Variants in CSMD1 observed in about 807,000 individuals in gnomAD.
CSMD1 encodes CUB and sushi domain-containing protein 1.
Under a neutral mutation model 417.5 loss-of-function variants are expected in CSMD1, and 213 were observed. That is an observed-to-expected ratio of 0.51 (90% CI 0.46 to 0.57). The LOEUF (loss-of-function observed/expected upper bound fraction) is 0.57, where lower values mean the gene tolerates loss of function less well. Ranked by LOEUF, CSMD1 falls within the 20% of genes least tolerant of loss-of-function variation. The pLI, the probability that CSMD1 is intolerant of heterozygous loss-of-function variation, is 0.00. For synonymous variants in CSMD1, 2,862 were observed against 1,736.8 expected, an observed-to-expected ratio of 1.65 and a Z score of -16.11; for missense variants, 6,923 against 4,529.7, an observed-to-expected ratio of 1.53 and a Z score of -15.17.
intron 3 of CSMD1, among the ~76,000 whole-genome samples, chr8:4,296,701 T>TTTTTTA (rs1797704823): frequency 6.7e-6 from 1 of 149,222 alleles, no homozygotes; most frequent in South Asian, 2.1e-4. Context: ...TAAGGGTTTT[T>TTTTTTA]TTTTTTTTTT....
rs1318856046 is a variant in CSMD1 at position 3,091,547 on chromosome 8, G to T, written c.7254C>A (p.Thr2418=). 5 of 1,605,772 alleles carry T rather than the reference G, an allele frequency of 3.1e-6. No individual in the cohort carries two copies. The highest frequency in any genetic ancestry group is 4.2e-6 in the Non-Finnish European group (5 of 1,177,684). Residue 2418 remains threonine, a synonymous_variant, in exon 48 of 70, where the codon ACC becomes ACA. Transcript: ENST00000635120. ...AGCGAATCTTGAATCCTTTCTTACTGGTGGCATGGTCAGTGGACCAGCGGA... is the reference window on the plus strand; with the variant it reads ...AGCGAATCTTGAATCCTTTCTTACTTGTGGCATGGTCAGTGGACCAGCGGA... ...LYLRWSTDHA[T]SKKGFKIRYA...
intron 3 of CSMD1, among the ~76,000 whole-genome samples, chr8:4,130,107 T>C (rs1019225918): frequency 1.1e-4 from 17 of 152,072 alleles, no homozygotes; most frequent in Admixed American, 5.2e-4. Flanking sequence ...GGCTGCTCCA[T>C]CACCATGGAG....
At chr8:4,138,332 T>A (rs534575651) in intron 3 of CSMD1, among the ~76,000 whole-genome samples, 2 of 96,574 alleles carry the variant, frequency 2.1e-5, no homozygotes, top group African/African-American at 5.6e-5. Context: ...TTTACACATT[T>A]GAGTTGTGGC....
intron 3 of CSMD1, among the ~76,000 whole-genome samples, chr8:4,290,034 A>C (rs1211089343): frequency 2.6e-5 from 4 of 152,220 alleles, no homozygotes; most frequent in Admixed American, 1.3e-4. Flanking sequence ...GCAACTGTTA[A>C]GGTTTAACCA....
At chr8:4,986,103 G>A (rs959323483) in intron 1 of CSMD1, among the ~76,000 whole-genome samples, 1 of 152,168 alleles carries the variant, frequency 6.6e-6, no homozygotes, top group Non-Finnish European at 1.5e-5. Context: ...GAAATGTGGT[G>A]ACTAAAATTG....
intron 10 of CSMD1, among the ~76,000 whole-genome samples, chr8:3,560,965 T>C (rs1799444355): frequency 1.3e-5 from 2 of 152,206 alleles, no homozygotes; most frequent in African/African-American, 2.4e-5. Context: ...AGCATCCCAA[T>C]GGGCAGTGAA....
chr8:3,296,222 G>C (rs1803952460), intron 25 of CSMD1, among the ~76,000 whole-genome samples: 2 of 151,900 alleles, frequency 1.3e-5, no homozygotes, highest in Non-Finnish European at 1.5e-5. Flanking sequence ...GGCAGATTTT[G>C]GTGCAGCCTT....
At chr8:3,746,976 T>C (rs1437299827) in intron 6 of CSMD1, among the ~76,000 whole-genome samples, 1 of 152,204 alleles carries the variant, frequency 6.6e-6, no homozygotes, top group African/African-American at 2.4e-5. Flanking sequence ...TGTGACTAAA[T>C]TACAGCTATC....
intron 5 of CSMD1, among the ~76,000 whole-genome samples, chr8:3,993,402 G>C (rs997145854): frequency 3.9e-5 from 6 of 152,158 alleles, no homozygotes; most frequent in Non-Finnish European, 5.9e-5. Context: ...TATCAATTAA[G>C]TGACAAGTTG....
intron 1 of CSMD1, among the ~76,000 whole-genome samples, chr8:4,923,459 A>G (rs1158099006): frequency 6.6e-6 from 1 of 152,226 alleles, no homozygotes; most frequent in East Asian, 1.9e-4. Context: ...CTTATTTCAT[A>G]TTACATGCCT....
At chr8:3,841,071 CTGAT>C (rs1803103273) in intron 5 of CSMD1, among the ~76,000 whole-genome samples, 1 of 152,042 alleles carries the variant, frequency 6.6e-6, no homozygotes, top group South Asian at 2.1e-4. Flanking sequence ...CTAAACTACA[CTGAT>C]TGATGTTAAA....
intron 5 of CSMD1, among the ~76,000 whole-genome samples, chr8:3,938,663 T>A (rs896956734): frequency 6.6e-6 from 1 of 152,212 alleles, no homozygotes. Context: ...TGAAGTCTGC[T>A]TCTGTTAATT....
chr8:3,289,149 C>G (rs1803367505), intron 25 of CSMD1, among the ~76,000 whole-genome samples: 1 of 147,662 alleles, frequency 6.8e-6, no homozygotes, highest in Middle Eastern at 3.4e-3. Flanking sequence ...CTACAAAGCA[C>G]ATGAACTCAT....
At chr8:3,540,065 T>C (rs191605734) in intron 10 of CSMD1, among the ~76,000 whole-genome samples, 98 of 152,320 alleles carry the variant, frequency 6.4e-4, no homozygotes, top group African/African-American at 2.3e-3. Context: ...CAATCTCTGA[T>C]TGGCTCATAA....
intron 12 of CSMD1, among the ~76,000 whole-genome samples, chr8:3,415,384 G>T (rs541347469): frequency 6.6e-6 from 1 of 152,276 alleles, no homozygotes; most frequent in South Asian, 2.1e-4. Flanking sequence ...TTGAAATGGA[G>T]CCTCGCTCTG....
intron 5 of CSMD1, among the ~76,000 whole-genome samples, chr8:3,818,448 T>C (rs375496271): frequency 6.6e-6 from 1 of 152,118 alleles, no homozygotes; most frequent in African/African-American, 2.4e-5. Flanking sequence ...TCCTCATGGA[T>C]CAGCTATCCA....
chr8:4,202,169 C>T (rs930482109), intron 3 of CSMD1, among the ~76,000 whole-genome samples: 5 of 152,002 alleles, frequency 3.3e-5, no homozygotes, highest in African/African-American at 1.2e-4. Context: ...GGATGACCAG[C>T]TGTGTTAGTA....
chr8:4,896,241 C>T (rs1400713785), intron 1 of CSMD1, among the ~76,000 whole-genome samples: 2 of 152,076 alleles, frequency 1.3e-5, no homozygotes, highest in Non-Finnish European at 2.9e-5. Context: ...TTGCAGGTCA[C>T]CTTGATCCAG....
intron 6 of CSMD1, among the ~76,000 whole-genome samples, chr8:3,737,171 C>T (rs1307478580): frequency 1.3e-5 from 2 of 152,186 alleles, no homozygotes; most frequent in East Asian, 1.9e-4. Flanking sequence ...ATAAAAATTG[C>T]ATTTCCTACC....
Sources: gnomAD v4.1 joint callset for allele counts (sites outside exome capture counted in the v4.1 genomes callset) on GRCh38, gnomAD v4.1.1 for gene constraint, MANE v1.5 for transcripts, NCBI Gene and HGNC (gene_info 2026-07-23, HGNC 2026-07-21) for gene names.